Variants in TSBP1 observed in about 807,000 individuals in gnomAD.
TSBP1 encodes the protein testis-expressed basic protein 1.
In TSBP1, 56 loss-of-function variants were observed where a neutral mutation model predicts 68.8. The observed-to-expected ratio is 0.81, with a 90% CI of 0.66 to 1.02. TSBP1 has a LOEUF of 1.02. TSBP1 is among the 50% of genes least tolerant of loss of function. The pLI is 0.00. For missense variants in TSBP1, 502 were observed against 641.2 expected, an observed-to-expected ratio of 0.78 and a Z score of 2.34; for synonymous variants, 171 against 208.7, an observed-to-expected ratio of 0.82 and a Z score of 1.56.
chr6:32,344,507 C>G (rs946052485), intron 9 of TSBP1, among the ~76,000 whole-genome samples: 1 of 151,996 alleles, frequency 6.6e-6, no homozygotes, highest in Non-Finnish European at 1.5e-5. Flanking sequence ...GTTTATGGTA[C>G]TGAAACAACC....
intron 19 of TSBP1, among the ~76,000 whole-genome samples, chr6:32,305,486 T>C (rs1374972108): frequency 6.6e-6 from 1 of 152,192 alleles, no homozygotes; most frequent in South Asian, 2.1e-4. Flanking sequence ...AATTTTCAGT[T>C]GGTCTGGCAA....
In TSBP1 at chr6:32,338,869, G is replaced by A. The variant is rs907601092; in HGVS notation, c.409+110C>T. ...AGGGAATAAACAAGGGGAAAGGAAT[G>A]GACAATTTGTGAAAGAAATAAAAAA... On this transcript the variant is annotated intron_variant, in intron 11 of 22. Transcript: ENST00000612031. This position sits in a 1 kb window ranked among gnomAD's most constrained non-coding sequence, Gnocchi z 5.5. 5 of 903,178 alleles carry A rather than the reference G, an allele frequency of 5.5e-6. No individual in the cohort carries two copies. Among genetic ancestry groups the A allele is most frequent in the Admixed American group, 5.4e-5 (3 of 55,740 alleles). 55.9% of individuals were successfully genotyped at this position (903,178 alleles called of 1,614,324 possible). A position where few individuals can be genotyped will look rare whatever the true frequency, so the allele number is the denominator to read the frequency against.
At chr6:32,350,049 A>G (rs974667454) in intron 8 of TSBP1, 5 of 672,774 alleles carry the variant, frequency 7.4e-6, no homozygotes, top group Admixed American at 2.0e-5. Flanking sequence ...ATCTGAGGAC[A>G]TTTTTCTGTC....
At chr6:32,320,330 G>T in intron 18 of TSBP1, 1 of 408,402 alleles carries the variant, frequency 2.4e-6, no homozygotes, top group Non-Finnish European at 4.9e-6. Context: ...GACCTGTGTG[G>T]GTGGCTCTGT....
chr6:32,312,307 GGA>G (rs1364494701), intron 19 of TSBP1, among the ~76,000 whole-genome samples: 4 of 152,102 alleles, frequency 2.6e-5, no homozygotes, highest in Admixed American at 6.6e-5. Context: ...CTCAACAGTG[GGA>G]ATTATAACAA....
Position 32,343,960 on chromosome 6 carries a change from A to G in TSBP1, c.350-4322T>C, listed in dbSNP as rs1404737225. ...GATAGTAATTTGTACAAGCTACCAT[A>G]GAATGAACCCTCACTATATTCAGTG... On this transcript the variant is annotated intron_variant, in intron 9 of 22. Transcript: ENST00000612031. This position sits in a 1 kb window ranked among gnomAD's most constrained non-coding sequence, Gnocchi z 4.3. Among the ~76,000 whole-genome samples the G allele has an allele frequency of 1.3e-5, 2 of 150,676 alleles. No homozygotes were observed. Among genetic ancestry groups the G allele is most frequent in the African/African-American group, 5.0e-5 (2 of 40,048 alleles).
intron 16 of TSBP1, 62 bp from the exon 18 acceptor site, chr6:32,323,676 T>A: frequency 6.6e-7 from 1 of 1,510,698 alleles, no homozygotes; most frequent in Non-Finnish European, 9.2e-7. Flanking sequence ...CCTTTCTATG[T>A]AGAGAGTTTC....
chr6:32,329,550 C>T (rs1025222657), intron 16 of TSBP1, among the ~76,000 whole-genome samples: 4 of 152,146 alleles, frequency 2.6e-5, no homozygotes, highest in East Asian at 1.9e-4. Context: ...TTTTAATGGT[C>T]GTAGTGTGGT....
intron 16 of TSBP1, 97 bp downstream of exon 17, chr6:32,330,492 T>G: frequency 9.2e-7 from 1 of 1,084,964 alleles, no homozygotes; most frequent in Non-Finnish European, 1.3e-6. Flanking sequence ...CTTATGGCAG[T>G]GAGACACATC....
chr6:32,311,239 C>T (rs1013832461), intron 19 of TSBP1, among the ~76,000 whole-genome samples: 3 of 152,110 alleles, frequency 2.0e-5, no homozygotes, highest in Non-Finnish European at 2.9e-5. Context: ...TTAGTCCAAT[C>T]GTCTTAAATG....
chr6:32,294,383 G>C (rs933364679), intron 22 of TSBP1, among the ~76,000 whole-genome samples: 1 of 152,142 alleles, frequency 6.6e-6, no homozygotes, highest in Non-Finnish European at 1.5e-5. Context: ...AAAATTGTGG[G>C]AGGAAGCAAT....
rs1272834903 is a variant in TSBP1 at position 32,365,345 on chromosome 6, T to A, written c.217+822A>T. 1 of 457,152 alleles carries A rather than the reference T, an allele frequency of 2.2e-6. No homozygotes were observed. Among genetic ancestry groups the A allele is most frequent in the Admixed American group, 2.4e-5 (1 of 42,552 alleles). 28.3% of individuals were successfully genotyped at this position (457,152 alleles called of 1,614,324 possible). On this transcript the variant is annotated intron_variant, in intron 6 of 22. Transcript: ENST00000612031. The surrounding 1 kb of genome is among the most constrained non-coding windows in gnomAD (Gnocchi z 4.3). ...CCACAAAGTCAAACTGACTGTGAGA[T>A]GTTTCCTTTTGTTGTCCATGGTGGC... is the stretch of plus-strand genomic sequence containing the variant.
chr6:32,371,714 G>A (rs758045921), exon 1 of TSBP1: 2 of 1,613,676 alleles, frequency 1.2e-6, no homozygotes, highest in South Asian at 2.2e-5. Flanking sequence ...CATTTTCCAT[G>A]TATTGTCTTC....
At chr6:32,303,021 T>G (rs1765454195) in intron 19 of TSBP1, among the ~76,000 whole-genome samples, 1 of 152,216 alleles carries the variant, frequency 6.6e-6, no homozygotes, top group Non-Finnish European at 1.5e-5. Context: ...CCCTGGAAGA[T>G]CTGTCCCTCC....
At chr6:32,347,657 T>TTTTAAGG (rs1554203628) in intron 9 of TSBP1, among the ~76,000 whole-genome samples, 2 of 152,184 alleles carry the variant, frequency 1.3e-5, no homozygotes, top group Admixed American at 6.5e-5. Flanking sequence ...CCTTCCCTGA[T>TTTTAAGG]GAAAACAATG....
intron 19 of TSBP1, among the ~76,000 whole-genome samples, chr6:32,311,822 T>C (rs551651238): frequency 6.6e-6 from 1 of 152,226 alleles, no homozygotes; most frequent in East Asian, 1.9e-4. Context: ...CATCTCCTGG[T>C]TGAATAGTGG....
rs1277213185 is a variant in TSBP1, at chr6:32,343,825, CT to C, written c.350-4188del. Reference sequence around the variant, plus strand: ...TTCTTTAACGTACTGACCATCTTCCCTCTCCAACATTTTGTTTCTGTTCTTT... The same window carrying C: ...TTCTTTAACGTACTGACCATCTTCCCCTCCAACATTTTGTTTCTGTTCTTT... On this transcript the variant is annotated intron_variant, in intron 9 of 22. Coordinates refer to ENST00000612031, the Ensembl canonical transcript of TSBP1. This position sits in a 1 kb window ranked among gnomAD's most constrained non-coding sequence, Gnocchi z 4.3. Among the ~76,000 whole-genome samples, 15 of 152,086 alleles carry C rather than the reference CT, an allele frequency of 9.9e-5. No homozygotes were observed. Among genetic ancestry groups the C allele is most frequent in the Non-Finnish European group, 1.9e-4 (13 of 68,022 alleles).
chr6:32,295,521 A>G (rs1296591305), intron 22 of TSBP1, among the ~76,000 whole-genome samples: 1 of 152,200 alleles, frequency 6.6e-6, no homozygotes, highest in Non-Finnish European at 1.5e-5. Context: ...TTAAAGTAAC[A>G]TAGCCTTTGG....
chr6:32,367,411 T>C (rs1175191833), intron 4 of TSBP1, among the ~76,000 whole-genome samples: 3 of 152,112 alleles, frequency 2.0e-5, no homozygotes, highest in Admixed American at 6.5e-5. Context: ...TTCAAAAAAG[T>C]AGACAGCGCA....
Sources: allele counts gnomAD v4.1 joint callset (sites outside exome capture counted in the v4.1 genomes callset), GRCh38; gene constraint gnomAD v4.1.1; non-coding constraint Gnocchi (gnomAD v3.1); transcripts MANE v1.5; gene names NCBI Gene and HGNC (gene_info 2026-07-23, HGNC 2026-07-21).